Variants in ALK observed in about 807,000 individuals in gnomAD.
The protein encoded by ALK is ALK receptor tyrosine kinase, also known as ALK tyrosine kinase receptor.
Under a neutral mutation model 163.1 loss-of-function variants are expected in ALK, and 74 were observed. The observed-to-expected ratio is 0.45, with a 90% CI of 0.38 to 0.55. The LOEUF (loss-of-function observed/expected upper bound fraction) is 0.55, where lower values mean the gene tolerates loss of function less well. Among genes scored for constraint, ALK ranks in the 20% least tolerant of loss-of-function variants. The pLI is 0.00. For missense variants in ALK, 2,063 were observed against 2,105.3 expected, an observed-to-expected ratio of 0.98 and a Z score of 0.39; for synonymous variants, 960 against 843.2, an observed-to-expected ratio of 1.14 and a Z score of -2.40.
intron 3 of ALK, among the ~76,000 whole-genome samples, chr2:29,646,020 G>T (rs911335198): frequency 6.6e-6 from 1 of 152,064 alleles, no homozygotes; most frequent in Non-Finnish European, 1.5e-5. Flanking sequence ...CCCTGGATTT[G>T]TATCTTCAGC....
At chr2:29,349,958 C>T (rs568850811) in intron 5 of ALK, among the ~76,000 whole-genome samples, 5 of 152,170 alleles carry the variant, frequency 3.3e-5, no homozygotes, top group Non-Finnish European at 7.3e-5. Flanking sequence ...ATCACTGAAA[C>T]AGGAATGTTA....
intron 3 of ALK, among the ~76,000 whole-genome samples, chr2:29,661,282 A>C (rs965892347): frequency 6.6e-6 from 1 of 152,180 alleles, no homozygotes; most frequent in Non-Finnish European, 1.5e-5. Flanking sequence ...TCTCCAGTGC[A>C]TCATGCTAAC....
chr2:29,734,299 G>A (rs2148319835), intron 1 of ALK, among the ~76,000 whole-genome samples: 1 of 152,234 alleles, frequency 6.6e-6, no homozygotes, highest in South Asian at 2.1e-4. Context: ...AGTAATTATG[G>A]AGATTTCATG....
chr2:29,618,877 G>T (rs1166695743), intron 3 of ALK, among the ~76,000 whole-genome samples: 2 of 152,124 alleles, frequency 1.3e-5, no homozygotes, highest in East Asian at 3.9e-4. Flanking sequence ...TACTTGGGAG[G>T]CTGAGGCAAA....
At chr2:29,389,378 A>G (rs529969742) in intron 4 of ALK, among the ~76,000 whole-genome samples, 3 of 152,362 alleles carry the variant, frequency 2.0e-5, no homozygotes, top group South Asian at 4.1e-4. Flanking sequence ...GGAAAAGGGC[A>G]ATGCAGAAAT....
chr2:29,416,489 T>C (rs984377781), intron 4 of ALK, among the ~76,000 whole-genome samples: 11 of 152,168 alleles, frequency 7.2e-5, no homozygotes, highest in African/African-American at 2.2e-4. Context: ...AGTTCTGAGG[T>C]TGTCAAAGGC....
intron 5 of ALK, among the ~76,000 whole-genome samples, chr2:29,350,882 T>C (rs1668092513): frequency 6.6e-6 from 1 of 152,232 alleles, no homozygotes; most frequent in Non-Finnish European, 1.5e-5. Flanking sequence ...TTCTGCTACA[T>C]GTGTATCTCC....
chr2:29,476,395 A>C (rs59184764), intron 4 of ALK, among the ~76,000 whole-genome samples: 22,538 of 152,206 alleles, frequency 0.15, 1,893 homozygotes, highest in East Asian at 0.34. Flanking sequence ...TCCACTTGTA[A>C]AGATAATTGT....
At chr2:29,653,507 CTAACT>C (rs71891902) in intron 3 of ALK, among the ~76,000 whole-genome samples, 1,590 of 152,220 alleles carry the variant, frequency 0.01, 28 homozygotes, top group African/African-American at 0.037. Flanking sequence ...TCTTGCTTAC[CTAACT>C]TAACTTAATT....
At chr2:29,817,565 T>C (rs569176339) in intron 1 of ALK, among the ~76,000 whole-genome samples, 1 of 151,538 alleles carries the variant, frequency 6.6e-6, no homozygotes, top group Non-Finnish European at 1.5e-5. Flanking sequence ...ACAGAAAGAG[T>C]GCTTAGGGAT....
chr2:29,846,475 T>C (rs62129761), intron 1 of ALK, among the ~76,000 whole-genome samples: 1 of 152,130 alleles, frequency 6.6e-6, no homozygotes, highest in Non-Finnish European at 1.5e-5. Context: ...TTGTCTAGGA[T>C]GATCCTTGTC....
intron 1 of ALK, among the ~76,000 whole-genome samples, chr2:29,903,306 G>A (rs887892496): frequency 6.6e-6 from 1 of 152,172 alleles, no homozygotes; most frequent in African/African-American, 2.4e-5. Flanking sequence ...TGGGACATGG[G>A]CTATGAAAGA....
At chr2:29,248,890 A>G (rs1664751113) in intron 12 of ALK, among the ~76,000 whole-genome samples, 1 of 152,270 alleles carries the variant, frequency 6.6e-6, no homozygotes, top group Middle Eastern at 3.2e-3. Flanking sequence ...CTTTGGAGAC[A>G]GGAAAAGTCA....
chr2:29,235,189 C>A (rs1200980489), intron 13 of ALK, among the ~76,000 whole-genome samples: 1 of 152,186 alleles, frequency 6.6e-6, no homozygotes, highest in East Asian at 1.9e-4. Flanking sequence ...CACCACAGCT[C>A]AGACGAATTC....
intron 1 of ALK, among the ~76,000 whole-genome samples, chr2:29,873,659 T>A (rs545184406): frequency 2.0e-5 from 3 of 152,032 alleles, no homozygotes; most frequent in Admixed American, 6.5e-5. Flanking sequence ...GGAGTCAAAG[T>A]CAGTCTTAAA....
At chr2:29,423,208 A>G (rs907428707) in intron 4 of ALK, among the ~76,000 whole-genome samples, 1 of 152,216 alleles carries the variant, frequency 6.6e-6, no homozygotes, top group Non-Finnish European at 1.5e-5. Context: ...TTAATTCTAA[A>G]AGAAAAATGA....
chr2:29,604,466 A>G (rs954979549), intron 3 of ALK, among the ~76,000 whole-genome samples: 9 of 152,156 alleles, frequency 5.9e-5, no homozygotes, highest in African/African-American at 2.2e-4. Context: ...AATTTCTCCA[A>G]ACTGGCAACA....
intron 1 of ALK, among the ~76,000 whole-genome samples, chr2:29,894,280 G>C (rs1667216096): frequency 6.6e-6 from 1 of 152,112 alleles, no homozygotes; most frequent in Admixed American, 6.6e-5. Flanking sequence ...AAACCCAGGG[G>C]AGGCAACATA....
Position 29,907,455 on chromosome 2 carries a change from C to T in ALK, c.667+12538G>A, listed in dbSNP as rs180954351. On this transcript the variant is annotated intron_variant, in intron 1 of 28. Transcript: ENST00000389048. ...CTCTCTAAACTTCCTTCTGCCTGTT[C>T]CTGCTCTGTACAAGACACTCCGTGA... Among the ~76,000 whole-genome samples the T allele has an allele frequency of 1.8e-3, 279 of 152,300 alleles. 1 individual carries two copies. Among genetic ancestry groups the T allele is most frequent in the African/African-American group, 6.1e-3 (254 of 41,584 alleles).
Sources: gnomAD v4.1 joint callset for allele counts (sites outside exome capture counted in the v4.1 genomes callset) on GRCh38, gnomAD v4.1.1 for gene constraint, MANE v1.5 for transcripts, NCBI Gene and HGNC (gene_info 2026-07-23, HGNC 2026-07-21) for gene names.